The following PRKCZ variants were observed in gnomAD, a reference collection of about 807,000 sequenced individuals.
PRKCZ encodes the protein protein kinase C zeta.
In PRKCZ, 33 loss-of-function variants were observed where a neutral mutation model predicts 79.5. That is an observed-to-expected ratio of 0.41 (90% CI 0.31 to 0.55). The LOEUF (loss-of-function observed/expected upper bound fraction) is 0.55, where lower values mean the gene tolerates loss of function less well. Ranked by LOEUF, PRKCZ falls within the 20% of genes least tolerant of loss-of-function variation. PRKCZ has a pLI of 0.19. For synonymous variants in PRKCZ, 342 were observed against 320.9 expected (o/e 1.07, Z -0.70); for missense variants, 578 against 813.5 (o/e 0.71, Z 3.52).
chr1:2,057,886 T>C (rs1192980961), intron 3 of PRKCZ, among the ~76,000 whole-genome samples: 1 of 149,558 alleles, frequency 6.7e-6, no homozygotes, highest in Non-Finnish European at 1.5e-5. Context: ...TTTTTTTTTT[T>C]AGTTGGAGTC....
chr1:2,101,515 T>TTTCG (rs925392174), intron 4 of PRKCZ, among the ~76,000 whole-genome samples: 3 of 152,332 alleles, frequency 2.0e-5, no homozygotes, highest in Middle Eastern at 3.4e-3. Context: ...GTTCCATTTC[T>TTTCG]TTCGTTCATT....
At position 2,117,998 on chromosome 1, in the gene PRKCZ, C is replaced by CCTTTTTTTTTTTTTTTTTTTTTTTTTTTT. The variant is rs58233626; in HGVS notation, c.335-17264_335-17263insCTTTTTTTTTTTTTTTTTTTTTTTTTTTT. On this transcript the variant is annotated intron_variant, in intron 4 of 17. Transcript: ENST00000378567. Reference sequence around the variant, plus strand: ...TATGAGAGAGATTAGCCTATTATTTCTTTTTTTTTTTTTTTTGGAGTCTCA... The same window carrying CCTTTTTTTTTTTTTTTTTTTTTTTTTTTT: ...TATGAGAGAGATTAGCCTATTATTTCCTTTTTTTTTTTTTTTTTTTTTTTTTTTTTTTTTTTTTTTTTTTTGGAGTCTCA... 4.6e-5 allele frequency among the ~76,000 whole-genome samples: 3 copies of CCTTTTTTTTTTTTTTTTTTTTTTTTTTTT among 65,058 alleles called. 1 individual carries two copies. Among genetic ancestry groups the CCTTTTTTTTTTTTTTTTTTTTTTTTTTTT allele is most frequent in the Non-Finnish European group, 8.2e-5 (3 of 36,704 alleles). 42.7% of individuals were successfully genotyped at this position (65,058 alleles called of 152,430 possible). A position where few individuals can be genotyped will look rare whatever the true frequency, so the allele number is the denominator to read the frequency against.
chr1:2,130,949 T>C (rs1489714589), intron 4 of PRKCZ, among the ~76,000 whole-genome samples: 1 of 151,608 alleles, frequency 6.6e-6, no homozygotes, highest in Non-Finnish European at 1.5e-5. Context: ...ACACACTCGG[T>C]CTCCACACAC....
chr1:2,169,289 G>C (rs559938956), intron 10 of PRKCZ: 3 of 570,946 alleles, frequency 5.3e-6, no homozygotes, highest in East Asian at 3.8e-5. Flanking sequence ...AGTGAAGGCC[G>C]GCGAGGCCCC....
chr1:2,097,288 C>G (rs1007140688), intron 4 of PRKCZ, among the ~76,000 whole-genome samples: 2 of 152,128 alleles, frequency 1.3e-5, no homozygotes, highest in Non-Finnish European at 2.9e-5. Context: ...CCCGGGTCGT[C>G]GTCATATTCC....
At chr1:2,152,407 C>T (rs556324464) in intron 9 of PRKCZ, among the ~76,000 whole-genome samples, 1 of 152,212 alleles carries the variant, frequency 6.6e-6, no homozygotes, top group East Asian at 1.9e-4. Flanking sequence ...GTGGCGCACA[C>T]CTCTAATCCC....
intron 4 of PRKCZ, among the ~76,000 whole-genome samples, chr1:2,090,431 C>T (rs1200938469): frequency 6.6e-6 from 1 of 152,180 alleles, no homozygotes; most frequent in Non-Finnish European, 1.5e-5. Flanking sequence ...ACTGCCAGGG[C>T]CCGTGCCCTG....
At chr1:2,084,856 A>G (rs557109600) in intron 4 of PRKCZ, among the ~76,000 whole-genome samples, 1 of 152,086 alleles carries the variant, frequency 6.6e-6, no homozygotes, top group Non-Finnish European at 1.5e-5. Context: ...AAAAATGTAA[A>G]AATTAGCCTG....
In PRKCZ at chr1:2,165,824, G is replaced by A. The variant is rs766853692; in HGVS notation, c.975-3694G>A. Among the ~76,000 whole-genome samples, 1 of 152,192 alleles carries A rather than the reference G, an allele frequency of 6.6e-6. No homozygotes were observed. The highest frequency in any genetic ancestry group is 1.5e-5 in the Non-Finnish European group (1 of 68,016). The stretch of plus-strand genomic sequence containing the variant: ...GCCGGGCACCTTGCATTCCTGGAAG[G>A]GGTGGGGGGAGTGGCGAGGAGGGGG... On this transcript the variant is annotated intron_variant, in intron 10 of 17. Transcript: ENST00000378567. The surrounding 1 kb of genome is among the most constrained non-coding windows in gnomAD (Gnocchi z 4.1).
At position 2,169,734 on chromosome 1, in the gene PRKCZ, G is replaced by A. The variant is rs1447652574; in HGVS notation, c.1061+130G>A. 18 of 431,904 alleles carry A rather than the reference G, an allele frequency of 4.2e-5. No homozygotes were observed. In the Admixed American group the frequency reaches 6.3e-4, roughly 15 times the overall value. 26.8% of individuals were successfully genotyped at this position (431,904 alleles called of 1,614,324 possible). Reference sequence around the variant, plus strand: ...TGGGTGCGCGCGGAGTTGGGGGGCCGGGTGGGTGTGCGCAGAGGGGAGGTG... The same window carrying A: ...TGGGTGCGCGCGGAGTTGGGGGGCCAGGTGGGTGTGCGCAGAGGGGAGGTG... On this transcript the variant is annotated intron_variant, in intron 11 of 17. Coordinates refer to ENST00000378567, the MANE Select transcript of PRKCZ (RefSeq NM_002744.6).
intron 4 of PRKCZ, among the ~76,000 whole-genome samples, chr1:2,068,922 T>G (rs540569776): frequency 6.6e-6 from 1 of 152,316 alleles, no homozygotes; most frequent in East Asian, 1.9e-4. Context: ...GAACTGAGAC[T>G]GACGCCCCTT....
At position 2,182,400 on chromosome 1, in the gene PRKCZ, G is replaced by A. The variant is rs180944371; in HGVS notation, c.1576-2183G>A. 7.2e-4 allele frequency: 113 copies of A among 156,024 alleles called. 3 individuals are homozygous for A. The Middle Eastern group carries it at 0.027, about 38-fold the overall frequency. The allele number at this position is 156,024 out of a possible 1,614,324, so 9.7% of individuals were successfully genotyped here. A position where few individuals can be genotyped will look rare whatever the true frequency, so the allele number is the denominator to read the frequency against. On this transcript the variant is annotated intron_variant, in intron 16 of 17. Transcript: ENST00000378567. ...TGAACGACTGGAGGGTCCTGAGGATGGGGGTCCCTGGGGTGCCATCATGGG... is the reference window on the plus strand; with the variant it reads ...TGAACGACTGGAGGGTCCTGAGGATAGGGGTCCCTGGGGTGCCATCATGGG...
intron 7 of PRKCZ, among the ~76,000 whole-genome samples, chr1:2,147,287 C>T (rs1217706512): frequency 2.8e-5 from 4 of 140,722 alleles, no homozygotes; most frequent in African/African-American, 1.1e-4. Flanking sequence ...GACCTCTCCA[C>T]CCATCTATCT....
At chr1:2,121,169 A>G (rs1051900268) in intron 4 of PRKCZ, among the ~76,000 whole-genome samples, 2 of 152,124 alleles carry the variant, frequency 1.3e-5, no homozygotes, top group Non-Finnish European at 2.9e-5. Context: ...CTCACGTGCA[A>G]AATACTGTCA....
chr1:2,087,926 C>T (rs553742432), intron 4 of PRKCZ, among the ~76,000 whole-genome samples: 86 of 152,342 alleles, frequency 5.6e-4, no homozygotes, highest in Middle Eastern at 6.8e-3. Flanking sequence ...GGAGGCCTGG[C>T]TTCGAGGCTG....
chr1:2,180,542 G>A (rs1476357792), intron 16 of PRKCZ, among the ~76,000 whole-genome samples: 2 of 151,904 alleles, frequency 1.3e-5, no homozygotes, highest in South Asian at 2.1e-4. Context: ...ACGCACGGAC[G>A]ACGTGGATGC....
At chr1:2,065,678 C>CAAAAAAAAAAAAAA (rs61017134) in intron 4 of PRKCZ, among the ~76,000 whole-genome samples, 1 of 56,116 alleles carries the variant, frequency 1.8e-5, no homozygotes, top group East Asian at 4.6e-4. Context: ...GACTCTGTCT[C>CAAAAAAAAAAAAAA]AAAAAAAAAA....
chr1:2,085,928 TC>T (rs951384962), intron 4 of PRKCZ, among the ~76,000 whole-genome samples: 50 of 152,264 alleles, frequency 3.3e-4, no homozygotes, highest in African/African-American at 1.2e-3. Context: ...TTTCTCTCGC[TC>T]CCTTCTCCTG....
rs1666004544 is a variant in PRKCZ at position 2,094,150 on chromosome 1, C to T, written c.334+34559C>T. Among the ~76,000 whole-genome samples, 1 of 152,160 alleles carries T rather than the reference C, an allele frequency of 6.6e-6. No individual in the cohort carries two copies. The highest frequency in any genetic ancestry group is 2.1e-4 in the South Asian group (1 of 4,826). The stretch of plus-strand genomic sequence containing the variant: ...CCTGATGCACAACCTCAGAGCCCTC[C>T]GTCGCCATCCCTCCCCCGTCCCGGG... On this transcript the variant is annotated intron_variant, in intron 4 of 17. Coordinates refer to ENST00000378567, the MANE Select transcript of PRKCZ (RefSeq NM_002744.6). This position sits in a 1 kb window ranked among gnomAD's most constrained non-coding sequence, Gnocchi z 7.3.
Sources: gnomAD v4.1 joint callset for allele counts (sites outside exome capture counted in the v4.1 genomes callset) on GRCh38, gnomAD v4.1.1 for gene constraint, Gnocchi (gnomAD v3.1) non-coding constraint, MANE v1.5 for transcripts, NCBI Gene and HGNC (gene_info 2026-07-23, HGNC 2026-07-21) for gene names.